The following NWD1 variants were observed in gnomAD, a reference collection of about 807,000 sequenced individuals.
NWD1 encodes the protein NACHT and WD repeat domain containing 1.
Under a neutral mutation model 135.1 loss-of-function variants are expected in NWD1, and 129 were observed. The observed-to-expected ratio is 0.96, with a 90% confidence interval of 0.83 to 1.11. The LOEUF (loss-of-function observed/expected upper bound fraction) is 1.11. Among genes scored for constraint, NWD1 ranks in the 50% least tolerant of loss-of-function variants. NWD1 has a pLI of 0.00. For synonymous variants in NWD1, 773 were observed against 786.0 expected (o/e 0.98, Z 0.28); for missense variants, 1,740 against 1,851.3 (o/e 0.94, Z 1.10).
intron 2 of NWD1, among the ~76,000 whole-genome samples, chr19:16,726,688 C>T (rs1363089353): frequency 6.6e-6 from 1 of 152,184 alleles, no homozygotes; most frequent in Non-Finnish European, 1.5e-5. Flanking sequence ...ATCCACCCAC[C>T]TCGGCCTCCC....
intron 10 of NWD1, among the ~76,000 whole-genome samples, chr19:16,771,021 C>T (rs77155976): frequency 0.014 from 2,098 of 152,158 alleles, 62 homozygotes; most frequent in African/African-American, 0.048. Flanking sequence ...GAGATGGGGC[C>T]GAGTGCGGGG....
chr19:16,732,677 T>TAAAAA (rs1464805489), intron 3 of NWD1, among the ~76,000 whole-genome samples: 535 of 84,910 alleles, frequency 6.3e-3, no homozygotes, highest in Non-Finnish European at 9.2e-3. Flanking sequence ...AAAGAAAAAG[T>TAAAAA]GAAAAAGTGC....
chr19:16,814,752 A>T (rs989299308), intron 18 of NWD1, among the ~76,000 whole-genome samples: 3 of 152,142 alleles, frequency 2.0e-5, no homozygotes. Flanking sequence ...CAACAATAAT[A>T]TTTACTGAGC....
intron 5 of NWD1, among the ~76,000 whole-genome samples, chr19:16,747,690 C>T (rs1041688771): frequency 1.3e-5 from 2 of 151,970 alleles, no homozygotes; most frequent in African/African-American, 2.4e-5. Context: ...TTTTCATCAC[C>T]TCAAAAGAAG....
At chr19:16,796,130 C>T (rs1205998525) in intron 15 of NWD1, among the ~76,000 whole-genome samples, 3 of 151,938 alleles carry the variant, frequency 2.0e-5, no homozygotes, top group Non-Finnish European at 4.4e-5. Flanking sequence ...TATTGGAAAA[C>T]GTAACATTCA....
chr19:16,775,972 A>T (rs1240544594), intron 11 of NWD1, among the ~76,000 whole-genome samples: 1 of 152,138 alleles, frequency 6.6e-6, no homozygotes, highest in East Asian at 1.9e-4. Flanking sequence ...CAGCCAGGGA[A>T]ATGTGGTCTT....
intron 10 of NWD1, among the ~76,000 whole-genome samples, chr19:16,770,606 A>G (rs1350998948): frequency 1.3e-5 from 2 of 151,884 alleles, no homozygotes; most frequent in African/African-American, 4.8e-5. Context: ...CAAACCCTTT[A>G]CCATCCCTCC....
At chr19:16,735,113 C>T (rs926383705) in intron 3 of NWD1, among the ~76,000 whole-genome samples, 2 of 151,986 alleles carry the variant, frequency 1.3e-5, no homozygotes, top group African/African-American at 2.4e-5. Context: ...TTACAGGAAA[C>T]GCATGGACAG....
intron 16 of NWD1, 24 bp downstream of exon 16, chr19:16,797,910 C>T: frequency 6.3e-7 from 1 of 1,593,662 alleles, no homozygotes; most frequent in Non-Finnish European, 8.6e-7. Flanking sequence ...TGGGACCCTT[C>T]ATCCTCACCT....
At chr19:16,723,247 G>A (rs1967204470) in intron 1 of NWD1, among the ~76,000 whole-genome samples, 2 of 152,072 alleles carry the variant, frequency 1.3e-5, no homozygotes, top group Non-Finnish European at 2.9e-5. Context: ...TGTCCAGGCT[G>A]GGGTACAGTG....
intron 14 of NWD1, among the ~76,000 whole-genome samples, chr19:16,792,093 A>G (rs1335039099): frequency 6.6e-6 from 1 of 152,102 alleles, no homozygotes; most frequent in Non-Finnish European, 1.5e-5. Flanking sequence ...TTGGGGACTG[A>G]CCAATGTGGG....
At chr19:16,762,234 T>C in intron 8 of NWD1, 96 bp downstream of exon 8, 1 of 1,084,306 alleles carries the variant, frequency 9.2e-7, no homozygotes, top group East Asian at 2.7e-5. Context: ...CGAAATGTCC[T>C]CCCGACCTAC....
chr19:16,812,872 G>A (rs747667046), intron 18 of NWD1: 1 of 780,760 alleles, frequency 1.3e-6, no homozygotes, highest in Non-Finnish European at 2.4e-6. Context: ...TGCTTTTAGG[G>A]CAGGATTGAG....
intron 6 of NWD1, among the ~76,000 whole-genome samples, chr19:16,754,874 C>G (rs1968727916): frequency 1.3e-5 from 2 of 152,278 alleles, no homozygotes; most frequent in Middle Eastern, 6.8e-3. Context: ...ATCCATCCAT[C>G]CATTCATCCA....
intron 12 of NWD1, among the ~76,000 whole-genome samples, chr19:16,788,440 G>A (rs1338414474): frequency 6.7e-6 from 1 of 150,040 alleles, no homozygotes; most frequent in Non-Finnish European, 1.5e-5. Flanking sequence ...ATGGCGGCAG[G>A]TGCCTGTAAT....
Position 16,744,657 on chromosome 19 carries a change from C to G in NWD1, c.435C>G (p.Ala145=), listed in dbSNP as rs1247632446. The G allele has an allele frequency of 2.0e-5, 30 of 1,535,834 alleles. No individual in the cohort carries two copies. Among genetic ancestry groups the G allele is most frequent in the Non-Finnish European group, 2.6e-5 (30 of 1,146,854 alleles). Reference sequence around the variant, plus strand: ...TAACTTCTGTCCTACGCTCTGGAGCCCAGGAGGCCCGGAGGCTGGGGCTCA... The same window carrying G: ...TAACTTCTGTCCTACGCTCTGGAGCGCAGGAGGCCCGGAGGCTGGGGCTCA... The part of the protein sequence containing the change: ...ATLTSVLRSG[A]QEARRLGLIT... The change falls in exon 5 of 19, where the codon GCC becomes GCG. Residue 145 remains alanine (A), a synonymous_variant. Transcript: ENST00000524140.
intron 12 of NWD1, among the ~76,000 whole-genome samples, chr19:16,786,254 C>T (rs1040069719): frequency 1.6e-4 from 25 of 152,124 alleles, no homozygotes; most frequent in Middle Eastern, 6.8e-3. Flanking sequence ...GTGACCCTCC[C>T]ACTTCGGCCC....
In NWD1 at chr19:16,794,404, C is replaced by A. The variant is rs1970350510; in HGVS notation, c.3214-59C>A. ...ATAAAAATTAAAAAATTAAAAAATTCCAGACTTGTAACCCTTAACCCGTGG... is the reference window on the plus strand; with the variant it reads ...ATAAAAATTAAAAAATTAAAAAATTACAGACTTGTAACCCTTAACCCGTGG... On this transcript the variant is annotated intron_variant, in intron 14 of 18. Coordinates refer to ENST00000524140, the MANE Select transcript of NWD1 (RefSeq NM_001007525.5). The A allele has an allele frequency of 7.6e-6, 7 of 921,866 alleles. No homozygotes were observed. In the South Asian group the frequency reaches 7.9e-5, roughly 10 times the overall value. The allele number at this position is 921,866 out of a possible 1,614,324, so 57.1% of individuals were successfully genotyped here. A position where few individuals can be genotyped will look rare whatever the true frequency, so the allele number is the denominator to read the frequency against.
In NWD1 at chr19:16,807,015, T is replaced by TA. The variant is rs1477860401; in HGVS notation, c.3737-563dup. Among the ~76,000 whole-genome samples, 17 of 150,776 alleles carry TA rather than the reference T, an allele frequency of 1.1e-4. No individual in the cohort carries two copies. The East Asian group carries it at 1.6e-3, about 14-fold the overall frequency. Reference sequence around the variant, plus strand: ...CTGGACAACGAAGCCAGACTCTGTCTAAAAAAAACAAAAAATAAAAAAATT... The same window carrying TA: ...CTGGACAACGAAGCCAGACTCTGTCTAAAAAAAAACAAAAAATAAAAAAATT... On this transcript the variant is annotated intron_variant, in intron 17 of 18. Transcript: ENST00000524140.
Sources: allele counts gnomAD v4.1 joint callset (sites outside exome capture counted in the v4.1 genomes callset), GRCh38; gene constraint gnomAD v4.1.1; transcripts MANE v1.5; gene names NCBI Gene and HGNC (gene_info 2026-07-23, HGNC 2026-07-21).